SOX5: variants seen among roughly 807,000 people sequenced by gnomAD.
The protein encoded by SOX5 is transcription factor SOX-5.
In SOX5, 9 loss-of-function variants were observed where a neutral mutation model predicts 92.0. That is an observed-to-expected ratio of 0.10 (90% confidence interval 0.06 to 0.17). The LOEUF (loss-of-function observed/expected upper bound fraction) is 0.17, where lower values mean the gene tolerates loss of function less well. Ranked by LOEUF, SOX5 falls within the 10% of genes least tolerant of loss-of-function variation. The probability of loss-of-function intolerance (pLI) is 1.00; values close to 1 mark genes in which losing one functional copy is unlikely to be tolerated. For synonymous variants in SOX5, 344 were observed against 336.3 expected, an observed-to-expected ratio of 1.02 and a Z score of -0.25; for missense variants, 642 against 944.5, an observed-to-expected ratio of 0.68 and a Z score of 4.20.
intron 3 of SOX5, among the ~76,000 whole-genome samples, chr12:23,810,164 G>A (rs868805758): frequency 1.4e-4 from 22 of 152,062 alleles, no homozygotes; most frequent in African/African-American, 2.4e-4. Flanking sequence ...ATGATATCTC[G>A]CCTTTTTATG....
intron 1 of SOX5, among the ~76,000 whole-genome samples, chr12:23,940,745 TACACACACACACACACAC>T (rs36124621): frequency 7.2e-6 from 1 of 139,764 alleles, no homozygotes; most frequent in South Asian, 2.3e-4. Context: ...AGATAAGTAT[TACACACACACACACACAC>T]ACACACACAC....
At chr12:23,755,615 T>G (rs757497628) in intron 4 of SOX5, 23 bp downstream of exon 4, 1 of 1,534,782 alleles carries the variant, frequency 6.5e-7, no homozygotes, top group Admixed American at 1.9e-5. Context: ...ACATTTTGGA[T>G]AAAAACAATC....
At position 24,160,344 on chromosome 12, in the gene SOX5, G is replaced by A. The variant is rs891138259; in HGVS notation, c.-2+52999C>T. Among the ~76,000 whole-genome samples, 5 of 151,976 alleles carry A rather than the reference G, an allele frequency of 3.3e-5. No individual in the cohort carries two copies. The East Asian group carries it at 9.6e-4, about 29-fold the overall frequency. ...AGTCATCATATTTGCCGAGCTCCAA[G>A]CCTGATGTACTAAAAGAAGAATGGC... On this transcript the variant is annotated intron_variant, in intron 4 of 4. Coordinates refer to the SOX5 transcript ENST00000446891.
intron 3 of SOX5, among the ~76,000 whole-genome samples, chr12:24,237,307 T>G (rs1964705413): frequency 6.6e-6 from 1 of 152,162 alleles, no homozygotes; most frequent in Admixed American, 6.5e-5. Flanking sequence ...GGCACTAGGA[T>G]ACTCCAATAT....
chr12:23,546,677 C>T (rs779518063), intron 11 of SOX5, among the ~76,000 whole-genome samples: 2 of 152,032 alleles, frequency 1.3e-5, no homozygotes, highest in Non-Finnish European at 2.9e-5. Context: ...GGATATATGC[C>T]GGGATCCTTG....
At chr12:23,731,494 A>G in intron 6 of SOX5, among the ~76,000 whole-genome samples, 1 of 152,210 alleles carries the variant, frequency 6.6e-6, no homozygotes, top group East Asian at 1.9e-4. Flanking sequence ...GCATACACAT[A>G]AACATACAAA....
At chr12:23,597,724 C>T (rs1349932967) in intron 9 of SOX5, among the ~76,000 whole-genome samples, 1 of 152,102 alleles carries the variant, frequency 6.6e-6, no homozygotes, top group Non-Finnish European at 1.5e-5. Flanking sequence ...ATGACACATC[C>T]ATATTACATC....
intron 4 of SOX5, among the ~76,000 whole-genome samples, chr12:24,046,280 C>T (rs957926722): frequency 8.6e-5 from 13 of 151,924 alleles, no homozygotes; most frequent in Non-Finnish European, 1.5e-4. Flanking sequence ...AAACTTGGGG[C>T]GGGTCTAAAT....
intron 2 of SOX5, among the ~76,000 whole-genome samples, chr12:24,313,769 T>C (rs1386617930): frequency 6.6e-6 from 1 of 152,228 alleles, no homozygotes; most frequent in Non-Finnish European, 1.5e-5. Context: ...ACTTCCTTAC[T>C]CATGAACCCC....
At chr12:23,682,531 G>A (rs1232632967) in intron 6 of SOX5, among the ~76,000 whole-genome samples, 1 of 151,682 alleles carries the variant, frequency 6.6e-6, no homozygotes, top group Non-Finnish European at 1.5e-5. Context: ...GGAATTAGAG[G>A]TTATTTAATA....
At chr12:23,942,280 C>T (rs1322635708) in intron 1 of SOX5, among the ~76,000 whole-genome samples, 2 of 151,670 alleles carry the variant, frequency 1.3e-5, no homozygotes, top group Non-Finnish European at 2.9e-5. Flanking sequence ...TAAAATGGTA[C>T]GTGAAAGATC....
At chr12:23,558,280 C>T (rs890375909) in intron 11 of SOX5, among the ~76,000 whole-genome samples, 1 of 152,156 alleles carries the variant, frequency 6.6e-6, no homozygotes, top group Non-Finnish European at 1.5e-5. Context: ...AAAGTAGTCT[C>T]TTTTCCTTTG....
At chr12:24,455,745 G>A (rs1396465541) in intron 1 of SOX5, among the ~76,000 whole-genome samples, 2 of 152,170 alleles carry the variant, frequency 1.3e-5, no homozygotes, top group Admixed American at 6.5e-5. Context: ...ACTCAGTAGA[G>A]GCTTGTGCTG....
intron 2 of SOX5, among the ~76,000 whole-genome samples, chr12:23,855,515 A>G (rs2096677116): frequency 6.6e-6 from 1 of 152,116 alleles, no homozygotes; most frequent in Non-Finnish European, 1.5e-5. Flanking sequence ...TGTGATAAAT[A>G]CATGACACCA....
At chr12:23,773,709 T>A (rs113898303) in intron 3 of SOX5, among the ~76,000 whole-genome samples, 77 of 151,986 alleles carry the variant, frequency 5.1e-4, no homozygotes, top group African/African-American at 1.8e-3. Flanking sequence ...TGTCGCTGAT[T>A]TCTAAAAAGG....
intron 3 of SOX5, among the ~76,000 whole-genome samples, chr12:23,834,358 G>T (rs149894012): frequency 6.6e-6 from 1 of 151,894 alleles, no homozygotes; most frequent in Admixed American, 6.6e-5. Context: ...TGATTTTTTA[G>T]TCAATGCTAA....
chr12:23,772,466 G>C (rs577064586), intron 3 of SOX5, among the ~76,000 whole-genome samples: 4 of 152,236 alleles, frequency 2.6e-5, no homozygotes, highest in African/African-American at 9.6e-5. Flanking sequence ...GTAAATATTT[G>C]AAATACGTGT....
intron 8 of SOX5, among the ~76,000 whole-genome samples, chr12:23,609,101 G>C (rs1566291316): frequency 6.6e-6 from 1 of 152,088 alleles, no homozygotes; most frequent in Non-Finnish European, 1.5e-5. Context: ...TTCTAGGAAG[G>C]CAGTACAATT....
At chr12:24,057,065 T>A (rs1958205005) in intron 4 of SOX5, among the ~76,000 whole-genome samples, 2 of 148,770 alleles carry the variant, frequency 1.3e-5, no homozygotes, top group Admixed American at 6.7e-5. Context: ...TATAGTTAGA[T>A]AACTTAAGGC....
Sources: allele counts gnomAD v4.1 joint callset (sites outside exome capture counted in the v4.1 genomes callset), GRCh38; gene constraint gnomAD v4.1.1; transcripts MANE v1.5; gene names NCBI Gene and HGNC (gene_info 2026-07-23, HGNC 2026-07-21).